PTPRM: variants seen among roughly 807,000 people sequenced by gnomAD.
PTPRM encodes protein tyrosine phosphatase receptor type M.
In PTPRM, 47 loss-of-function variants were observed where a neutral mutation model predicts 186.7. The ratio of observed to expected loss-of-function variants is 0.25; its 90% CI spans 0.20 to 0.32. PTPRM has a LOEUF of 0.32. PTPRM is among the 10% of genes least tolerant of loss of function. The pLI is 1.00. For missense variants in PTPRM, 1,494 were observed against 1,865.0 expected (o/e 0.80, Z 3.66); for synonymous variants, 668 against 674.9 (o/e 0.99, Z 0.16).
At chr18:7,650,914 A>G (rs1331982717) in intron 1 of PTPRM, among the ~76,000 whole-genome samples, 1 of 151,032 alleles carries the variant, frequency 6.6e-6, no homozygotes, top group Non-Finnish European at 1.5e-5. Flanking sequence ...AAATTAGACA[A>G]TAAGATAAGA....
At chr18:8,240,787 A>G (rs8089726) in intron 14 of PTPRM, among the ~76,000 whole-genome samples, 2,111 of 27,826 alleles carry the variant, frequency 0.076, 75 homozygotes, top group African/African-American at 0.26. Context: ...GGAGAGAGAG[A>G]GAGAGAGAGA....
intron 31 of PTPRM, among the ~76,000 whole-genome samples, chr18:8,392,096 C>T (rs1488777544): frequency 3.3e-5 from 5 of 152,066 alleles, no homozygotes; most frequent in Non-Finnish European, 7.4e-5. Flanking sequence ...GAGGAACTCA[C>T]AGAGTAAAAT....
intron 2 of PTPRM, among the ~76,000 whole-genome samples, chr18:7,802,340 G>A (rs939592655): frequency 6.6e-6 from 1 of 152,148 alleles, no homozygotes; most frequent in African/African-American, 2.4e-5. Context: ...ATTTCACCCA[G>A]TAAATGATTT....
In PTPRM at chr18:8,230,169, A is replaced by G. The variant is rs556418038; in HGVS notation, c.2301-13889A>G. ...CCCATGGTGTAAAGAGGTGAACTCT[A>G]CAACAGAGGCCCAACAAAGATAAAA... is the stretch of plus-strand genomic sequence containing the variant. On this transcript the variant is annotated intron_variant, in intron 14 of 32. Transcript: ENST00000580170. Among the ~76,000 whole-genome samples the G allele has an allele frequency of 3.3e-5, 5 of 152,296 alleles. No homozygotes were observed. The East Asian group carries it at 9.6e-4, about 29-fold the overall frequency.
chr18:8,019,004 C>T (rs1253982206), intron 7 of PTPRM, among the ~76,000 whole-genome samples: 2 of 152,082 alleles, frequency 1.3e-5, no homozygotes, highest in South Asian at 4.1e-4. Flanking sequence ...ACCAGTATAC[C>T]CAGATAAATG....
At chr18:8,322,259 G>T (rs1963298394) in intron 22 of PTPRM, among the ~76,000 whole-genome samples, 3 of 152,112 alleles carry the variant, frequency 2.0e-5, no homozygotes, top group Admixed American at 6.5e-5. Context: ...TTAAGTATTG[G>T]GTCTCCTCCT....
chr18:7,792,839 GT>G (rs1009195603), intron 2 of PTPRM, among the ~76,000 whole-genome samples: 1 of 148,236 alleles, frequency 6.7e-6, no homozygotes, highest in African/African-American at 2.6e-5. Context: ...TAATTTTTTT[GT>G]TTTTTGTAGA....
chr18:8,149,858 C>G (rs1003650282), intron 14 of PTPRM, among the ~76,000 whole-genome samples: 10 of 152,156 alleles, frequency 6.6e-5, no homozygotes, highest in African/African-American at 2.4e-4. Flanking sequence ...GACAAAATCT[C>G]TCAGCATTTG....
At chr18:7,718,498 T>C (rs1191142442) in intron 1 of PTPRM, among the ~76,000 whole-genome samples, 1 of 152,194 alleles carries the variant, frequency 6.6e-6, no homozygotes, top group Admixed American at 6.5e-5. Flanking sequence ...AGACGTTGGC[T>C]TCAGCCAAGA....
intron 24 of PTPRM, chr18:8,371,637 G>A (rs1204388453): frequency 6.5e-6 from 1 of 152,680 alleles, no homozygotes; most frequent in African/African-American, 2.4e-5. Context: ...TGTTGGGTCG[G>A]TGAATGTTCT....
intron 7 of PTPRM, among the ~76,000 whole-genome samples, chr18:8,002,854 T>A (rs775183680): frequency 7.2e-5 from 11 of 152,258 alleles, no homozygotes; most frequent in Admixed American, 4.6e-4. Flanking sequence ...CAAGAAATGC[T>A]GATACATCTC....
At chr18:7,794,069 C>T (rs920153281) in intron 2 of PTPRM, among the ~76,000 whole-genome samples, 3 of 152,190 alleles carry the variant, frequency 2.0e-5, no homozygotes, top group Non-Finnish European at 2.9e-5. Flanking sequence ...AATCATCTCC[C>T]TTCTGGCTTC....
chr18:7,744,132 G>T (rs2040938058), intron 1 of PTPRM, among the ~76,000 whole-genome samples: 1 of 152,110 alleles, frequency 6.6e-6, no homozygotes. Context: ...AATCAGGTTT[G>T]AAAAAATTAG....
intron 1 of PTPRM, among the ~76,000 whole-genome samples, chr18:7,656,299 A>T (rs1177703919): frequency 1.3e-5 from 2 of 152,244 alleles, no homozygotes; most frequent in Non-Finnish European, 2.9e-5. Flanking sequence ...CGTTGTGCTG[A>T]GTGAAATAAG....
chr18:7,794,825 C>T (rs2043531102), intron 2 of PTPRM, among the ~76,000 whole-genome samples: 1 of 152,118 alleles, frequency 6.6e-6, no homozygotes, highest in South Asian at 2.1e-4. Context: ...AGGGACCTCA[C>T]AATAGAATTG....
At chr18:8,157,488 A>G (rs1297623474) in intron 14 of PTPRM, among the ~76,000 whole-genome samples, 1 of 152,144 alleles carries the variant, frequency 6.6e-6, no homozygotes, top group African/African-American at 2.4e-5. Flanking sequence ...AACACACGGG[A>G]TGGGTCTTTA....
rs541869828 is a variant in PTPRM, at chr18:8,387,488, C to T, written c.4208+253C>T. On this transcript the variant is annotated intron_variant, in intron 31 of 32. Transcript: ENST00000580170. ...GTTTCATTAGGACCCCTGCCTCCGC[C>T]GCCCACTGCCAAGAGGAAAAAAAAA... Among the ~76,000 whole-genome samples, 8 of 124,116 alleles carry T rather than the reference C, an allele frequency of 6.4e-5. No individual in the cohort carries two copies. In the East Asian group the frequency reaches 1.2e-3, roughly 18 times the overall value. The allele number at this position is 124,116 out of a possible 152,430, so 81.4% of individuals were successfully genotyped here.
chr18:8,390,968 T>A (rs1395273535), intron 31 of PTPRM, among the ~76,000 whole-genome samples: 1 of 148,124 alleles, frequency 6.8e-6, no homozygotes, highest in Non-Finnish European at 1.5e-5. Context: ...ATAATAATAA[T>A]AAAGATGTCC....
At chr18:7,923,104 G>A (rs1231667202) in intron 4 of PTPRM, among the ~76,000 whole-genome samples, 1 of 152,164 alleles carries the variant, frequency 6.6e-6, no homozygotes, top group Non-Finnish European at 1.5e-5. Context: ...CAACCCTTCA[G>A]CACAGGCTCA....
Sources: allele counts gnomAD v4.1 joint callset (sites outside exome capture counted in the v4.1 genomes callset), GRCh38; gene constraint gnomAD v4.1.1; transcripts MANE v1.5; gene names NCBI Gene and HGNC (gene_info 2026-07-23, HGNC 2026-07-21).